Variants in YARS1 observed in about 807,000 individuals in gnomAD.
The protein encoded by YARS1 is tyrosine--tRNA ligase, cytoplasmic.
Under a neutral mutation model 62.2 loss-of-function variants are expected in YARS1, and 36 were observed. That is an observed-to-expected ratio of 0.58 (90% confidence interval 0.44 to 0.76). The LOEUF is 0.76. YARS1 is among the 30% of genes least tolerant of loss of function. The pLI, the probability that YARS1 is intolerant of heterozygous loss-of-function variation, is 0.00. For synonymous variants in YARS1, 234 were observed against 244.9 expected (o/e 0.96, Z 0.42); for missense variants, 524 against 639.8 (o/e 0.82, Z 1.95).
Position 32,810,705 on chromosome 1 carries a change from A to G in YARS1, c.266T>C (p.Leu89Pro). 1 of 1,614,192 alleles carries G rather than the reference A, an allele frequency of 6.2e-7. No individual in the cohort carries two copies. The highest frequency in any genetic ancestry group is 8.5e-7 in the Non-Finnish European group (1 of 1,180,034). The change falls in exon 3 of 13, where the codon CTT becomes CCT. Residue 89 changes from leucine to proline, a missense_variant. Transcript: ENST00000373477. ...ATAGTAACTGACTCGGAGTTCTAGA[A>G]GTTCCCATGGGGCTTTCATGTTATC... The part of the protein sequence containing the change: ...YLDNMKAPWE[L>P]LELRVSYYEN...
intron 8 of YARS1, chr1:32,783,187 T>A (rs1653115879): frequency 6.5e-6 from 1 of 153,810 alleles, no homozygotes; most frequent in Non-Finnish European, 1.4e-5. Context: ...AAAGTGAAGC[T>A]AACAACAGCT....
chr1:32,787,019 C>T lies in YARS1; in HGVS notation c.741G>A (p.Lys247=), dbSNP rs1179230057. The stretch of plus-strand genomic sequence containing the variant: ...CCACATTTCCTGGCTCACAGAAGGC[C>T]TTCTTCAGTTTTTTCTTCACATCCT... ...RKEDVKKKLK[K]AFCEPGNVEN... The change falls in exon 7 of 13, where the codon AAG becomes AAA. Residue 247 remains lysine (K), a synonymous_variant. Coordinates refer to ENST00000373477, the MANE Select transcript of YARS1 (RefSeq NM_003680.4). The T allele has an allele frequency of 1.9e-6, 3 of 1,614,060 alleles. No individual in the cohort carries two copies. The highest frequency in any genetic ancestry group is 2.2e-5 in the East Asian group (1 of 44,892).
chr1:32,799,288 C>CTTTTCTACTAGGTT (rs1653701594), intron 4 of YARS1, among the ~76,000 whole-genome samples: 3 of 152,070 alleles, frequency 2.0e-5, no homozygotes, highest in Non-Finnish European at 4.4e-5. Flanking sequence ...AGGTAAAGAC[C>CTTTTCTACTAGGTT]ATGAAATGTC....
At chr1:32,814,827 C>T (rs1027131509) in intron 1 of YARS1, among the ~76,000 whole-genome samples, 1 of 152,176 alleles carries the variant, frequency 6.6e-6, no homozygotes, top group Admixed American at 6.5e-5. Flanking sequence ...TTCTAACAGG[C>T]CAGTGTACCC....
chr1:32,779,270 C>T (rs1569704464), intron 12 of YARS1, 112 bp downstream of exon 12: 1 of 1,569,188 alleles, frequency 6.4e-7, no homozygotes, highest in East Asian at 2.2e-5. Flanking sequence ...GAGAGGGGCT[C>T]AAATGCAGGA....
At chr1:32,779,718 A>C in intron 11 of YARS1, 195 bp from the exon 12 acceptor site, 1 of 696,592 alleles carries the variant, frequency 1.4e-6, no homozygotes, top group East Asian at 2.7e-5. Context: ...AGGCTATACC[A>C]AAATTGTGTG....
chr1:32,782,536 C>T lies in YARS1; in HGVS notation c.910G>A (p.Val304Ile). 1 of 1,614,124 alleles carries T rather than the reference C, an allele frequency of 6.2e-7. No homozygotes were observed. Among genetic ancestry groups the T allele is most frequent in the Non-Finnish European group, 8.5e-7 (1 of 1,180,036 alleles). Reference protein sequence around the residue: ...DLEKDFAAEVVHPGDLKNSVE... With the variant: ...DLEKDFAAEVIHPGDLKNSVE... ...GAATTCTTCAGGTCTCCAGGATGTA[C>T]AACCTGCAGAATCGAACAAGACCTA... Residue 304 changes from valine to isoleucine, a missense_variant, in exon 9 of 13, where the codon GTA (valine) becomes ATA (isoleucine). By Grantham distance (29) the Val-to-Ile change is conservative (BLOSUM62 3). Transcript: ENST00000373477.
At chr1:32,816,960 CACAAG>C (rs1207166983) in intron 1 of YARS1, 3 of 615,322 alleles carry the variant, frequency 4.9e-6, no homozygotes, top group African/African-American at 3.7e-5. Context: ...TTGGCTCCAA[CACAAG>C]ACAACTGGAC....
chr1:32,777,032 A>ATT (rs34834736), intron 12 of YARS1, among the ~76,000 whole-genome samples: 4,108 of 143,680 alleles, frequency 0.029, 159 homozygotes, highest in Admixed American at 0.12. Flanking sequence ...CAACCCCTCA[A>ATT]TTTTTTTTTT....
chr1:32,796,091 G>A (rs1051539961), intron 5 of YARS1, among the ~76,000 whole-genome samples: 10 of 151,522 alleles, frequency 6.6e-5, no homozygotes, highest in African/African-American at 2.4e-4. Context: ...TCAGGAGTTC[G>A]AGATCAGCCT....
At chr1:32,792,057 C>T (rs576296141) in intron 5 of YARS1, among the ~76,000 whole-genome samples, 1 of 152,222 alleles carries the variant, frequency 6.6e-6, no homozygotes, top group East Asian at 1.9e-4. Flanking sequence ...GTCAAAATTC[C>T]CCACTGATTT....
chr1:32,779,540 C>G lies in YARS1; in HGVS notation c.1335-17G>C, dbSNP rs770913122. 2 of 1,614,144 alleles carry G rather than the reference C, an allele frequency of 1.2e-6. No individual in the cohort carries two copies. Among genetic ancestry groups the G allele is most frequent in the Non-Finnish European group, 1.7e-6 (2 of 1,180,018 alleles). On this transcript the variant is annotated splice_polypyrimidine_tract_variant and intron_variant, in intron 11 of 12. Coordinates refer to ENST00000373477, the MANE Select transcript of YARS1 (RefSeq NM_003680.4). ...ATCCCTTCTCTGGGAAGACACAGGA[C>G]AAGAGAAGAGTGAGGCTATGGATGG...
intron 11 of YARS1, chr1:32,779,839 G>C (rs976867673): frequency 4.6e-5 from 28 of 614,222 alleles, no homozygotes; most frequent in African/African-American, 4.4e-4. Context: ...CTTACTAGTA[G>C]TAAGACTTGG....
intron 12 of YARS1, among the ~76,000 whole-genome samples, chr1:32,777,772 G>A (rs2148598454): frequency 6.6e-6 from 1 of 152,252 alleles, no homozygotes; most frequent in African/African-American, 2.4e-5. Flanking sequence ...CTGGAATCCA[G>A]CTTGGGTGAC....
At chr1:32,785,263 C>A (rs1269892917) in intron 8 of YARS1, among the ~76,000 whole-genome samples, 4 of 152,142 alleles carry the variant, frequency 2.6e-5, no homozygotes, top group Non-Finnish European at 5.9e-5. Flanking sequence ...AGTTCAAGAC[C>A]AGCCTGGCCA....
In YARS1 at chr1:32,784,745, CAT is replaced by C. The variant is rs768396343; in HGVS notation, c.906+1615_906+1616del. Among the ~76,000 whole-genome samples the C allele has an allele frequency of 2.1e-4, 32 of 152,246 alleles. No individual in the cohort carries two copies. The East Asian group carries it at 2.1e-3, about 10-fold the overall frequency. ...ATTCACATATATACACACATACACA[CAT>C]ATGTTAAAAAACACATATAGATATA... On this transcript the variant is annotated intron_variant, in intron 8 of 12. Transcript: ENST00000373477.
At chr1:32,803,197 T>C (rs1638348284) in intron 4 of YARS1, among the ~76,000 whole-genome samples, 1 of 151,606 alleles carries the variant, frequency 6.6e-6, no homozygotes, top group Non-Finnish European at 1.5e-5. Flanking sequence ...GCCAGGCTGG[T>C]CTCGAACTCC....
intron 9 of YARS1, chr1:32,781,872 G>A (rs1177009409): frequency 6.0e-6 from 1 of 167,990 alleles, no homozygotes; most frequent in African/African-American, 2.4e-5. Flanking sequence ...GAGTGCAGTG[G>A]TGCGATCATG....
chr1:32,806,348 A>T, intron 4 of YARS1, 134 bp downstream of exon 4: 1 of 1,405,022 alleles, frequency 7.1e-7, no homozygotes, highest in South Asian at 1.2e-5. Flanking sequence ...TGCTGTACAC[A>T]GGGTTGCCAC....
Sources: gnomAD v4.1 joint callset for allele counts (sites outside exome capture counted in the v4.1 genomes callset) on GRCh38, gnomAD v4.1.1 for gene constraint, MANE v1.5 for transcripts, NCBI Gene and HGNC (gene_info 2026-07-23, HGNC 2026-07-21) for gene names.